Variants in WAPL observed in about 807,000 individuals in gnomAD.
WAPL encodes wings apart-like protein homolog.
A neutral mutation model predicts 121.0 loss-of-function variants in WAPL; 5 were observed. That is an observed-to-expected ratio of 0.04 (90% CI 0.02 to 0.09). The LOEUF is 0.09. WAPL is among the 10% of genes least tolerant of loss of function. The probability of loss-of-function intolerance (pLI) is 1.00; values close to 1 mark genes in which losing one functional copy is unlikely to be tolerated. For synonymous variants in WAPL, 480 were observed against 481.5 expected (o/e 1.00, Z 0.04); for missense variants, 999 against 1,410.8 (o/e 0.71, Z 4.68).
At chr10:86,507,081 G>T (rs1411442844) in intron 2 of WAPL, among the ~76,000 whole-genome samples, 1 of 141,208 alleles carries the variant, frequency 7.1e-6, no homozygotes. Context: ...AAAAAAAAAA[G>T]TAGTGGCCGG....
intron 9 of WAPL, among the ~76,000 whole-genome samples, chr10:86,462,646 G>A (rs946225271): frequency 2.0e-5 from 3 of 151,250 alleles, no homozygotes; most frequent in African/African-American, 2.4e-5. Flanking sequence ...GCTTGAACCC[G>A]GGAGGTGGAG....
At chr10:86,459,543 C>T (rs1483933372) in intron 11 of WAPL, among the ~76,000 whole-genome samples, 4 of 152,172 alleles carry the variant, frequency 2.6e-5, no homozygotes, top group African/African-American at 7.2e-5. Context: ...CAAACCTATG[C>T]ATCCTGAAAT....
chr10:86,512,339 T>C (rs1157357129), intron 2 of WAPL, among the ~76,000 whole-genome samples: 1 of 152,248 alleles, frequency 6.6e-6, no homozygotes, highest in Non-Finnish European at 1.5e-5. Context: ...GCCTATGCTG[T>C]AGTTATCTCA....
chr10:86,518,996 T>C (rs1017213993), intron 1 of WAPL, among the ~76,000 whole-genome samples: 3 of 152,216 alleles, frequency 2.0e-5, no homozygotes, highest in Non-Finnish European at 4.4e-5. Context: ...TGCTGAGTTA[T>C]ATTTTCTGGG....
At chr10:86,447,753 G>C (rs11202039) in intron 15 of WAPL, among the ~76,000 whole-genome samples, 12,908 of 152,170 alleles carry the variant, frequency 0.085, 634 homozygotes, top group Middle Eastern at 0.17. Context: ...GACATACTTT[G>C]AAAAGTATGG....
chr10:86,454,501 C>T (rs537148019), intron 12 of WAPL, among the ~76,000 whole-genome samples: 1 of 152,242 alleles, frequency 6.6e-6, no homozygotes, highest in Non-Finnish European at 1.5e-5. Context: ...CCTCAGCCTG[C>T]CTAGTGCCTG....
intron 4 of WAPL, among the ~76,000 whole-genome samples, chr10:86,480,791 G>T (rs905007710): frequency 6.6e-6 from 1 of 152,036 alleles, no homozygotes; most frequent in African/African-American, 2.4e-5. Flanking sequence ...GAAGAGAAGT[G>T]AGGTACACCT....
At chr10:86,462,522 C>CCAGTCTGGCCAACATGGT (rs1325215395) in intron 9 of WAPL, among the ~76,000 whole-genome samples, 7 of 151,962 alleles carry the variant, frequency 4.6e-5, no homozygotes, top group Non-Finnish European at 1.0e-4. Flanking sequence ...GAGATTAAGA[C>CCAGTCTGGCCAACATGGT]CAGTCTGGCC....
chr10:86,443,195 A>C (rs1457370608), intron 17 of WAPL, 80 bp downstream of exon 17: 14 of 1,112,808 alleles, frequency 1.3e-5, no homozygotes, highest in Non-Finnish European at 1.8e-5. Flanking sequence ...GAAATAAATA[A>C]GTGAAACATG....
chr10:86,439,645 C>T (rs1849413008), intron 17 of WAPL, among the ~76,000 whole-genome samples: 1 of 152,210 alleles, frequency 6.6e-6, no homozygotes, highest in Non-Finnish European at 1.5e-5. Context: ...ATTGGAGAAG[C>T]AGTCTTAAGT....
At chr10:86,451,685 G>A (rs1441902282) in intron 15 of WAPL, among the ~76,000 whole-genome samples, 1 of 152,150 alleles carries the variant, frequency 6.6e-6, no homozygotes, top group African/African-American at 2.4e-5. Context: ...GAGTCACTGC[G>A]CCCAGCCTAT....
intron 2 of WAPL, among the ~76,000 whole-genome samples, chr10:86,506,179 G>A (rs974807029): frequency 1.3e-5 from 2 of 152,164 alleles, no homozygotes; most frequent in African/African-American, 4.8e-5. Context: ...AGGCTGCAGT[G>A]AAACATGATT....
Position 86,469,258 on chromosome 10 carries a change from T to TCAAAATCACTCAGATCAGGTAG in WAPL, c.2142+1733_2142+1734insCTACCTGATCTGAGTGATTTTG. On this transcript the variant is annotated intron_variant, in intron 8 of 18. Coordinates refer to ENST00000298767, the MANE Select transcript of WAPL (RefSeq NM_015045.5). ...GAACCAAATAATTTTTTTTTTTTTT[T>TCAAAATCACTCAGATCAGGTAG]TTTTTTTTTTTTGAGACGGAGTCTC... 0.016 allele frequency among the ~76,000 whole-genome samples: 8 copies of TCAAAATCACTCAGATCAGGTAG among 502 alleles called. 1 individual carries two copies. In the African/African-American group the frequency reaches 0.23, roughly 14 times the overall value. 0.3% of individuals were successfully genotyped at this position (502 alleles called of 152,430 possible).
chr10:86,514,542 T>C (rs1034855396), intron 2 of WAPL, among the ~76,000 whole-genome samples: 4 of 152,140 alleles, frequency 2.6e-5, no homozygotes, highest in African/African-American at 9.7e-5. Context: ...TTTACCTGTA[T>C]TTTAGTATGT....
At chr10:86,454,595 C>T (rs1347799594) in intron 12 of WAPL, among the ~76,000 whole-genome samples, 1 of 152,254 alleles carries the variant, frequency 6.6e-6, no homozygotes, top group Non-Finnish European at 1.5e-5. Flanking sequence ...ACCTCCACCT[C>T]CCAGCCGCCT....
At chr10:86,490,989 G>T (rs1406580613) in intron 4 of WAPL, among the ~76,000 whole-genome samples, 2 of 151,638 alleles carry the variant, frequency 1.3e-5, no homozygotes, top group African/African-American at 2.4e-5. Flanking sequence ...CTTGAACCCA[G>T]GAGGCGGAGG....
chr10:86,445,190 T>TCA (rs1362459579), intron 16 of WAPL, among the ~76,000 whole-genome samples: 1 of 152,190 alleles, frequency 6.6e-6, no homozygotes, highest in Non-Finnish European at 1.5e-5. Flanking sequence ...TGCATATAAG[T>TCA]CACACACATC....
At chr10:86,497,150 G>T in intron 4 of WAPL, 51 bp downstream of exon 4, 2 of 1,383,194 alleles carry the variant, frequency 1.4e-6, no homozygotes, top group Non-Finnish European at 2.0e-6. Flanking sequence ...TAAGAGTTGA[G>T]CCCTCCAATA....
At chr10:86,486,946 A>C (rs1841941617) in intron 4 of WAPL, among the ~76,000 whole-genome samples, 1 of 152,102 alleles carries the variant, frequency 6.6e-6, no homozygotes. Context: ...ACTGGAGTGA[A>C]ACCCTGTCTC....
Sources: gnomAD v4.1 joint callset for allele counts (sites outside exome capture counted in the v4.1 genomes callset) on GRCh38, gnomAD v4.1.1 for gene constraint, MANE v1.5 for transcripts, NCBI Gene and HGNC (gene_info 2026-07-23, HGNC 2026-07-21) for gene names.